STX8: variants seen among roughly 807,000 people sequenced by gnomAD.
STX8 encodes syntaxin 8.
Under a neutral mutation model 37.5 loss-of-function variants are expected in STX8, and 23 were observed. That is an observed-to-expected ratio of 0.61 (90% CI 0.44 to 0.87). The LOEUF is 0.87. Ranked by LOEUF, STX8 falls within the 40% of genes least tolerant of loss-of-function variation. The pLI, the probability that STX8 is intolerant of heterozygous loss-of-function variation, is 0.00. For missense variants in STX8, 313 were observed against 284.7 expected, an observed-to-expected ratio of 1.10 and a Z score of -0.71; for synonymous variants, 115 against 99.1, an observed-to-expected ratio of 1.16 and a Z score of -0.95.
chr17:9,411,323 C>T (rs987431771), intron 6 of STX8, among the ~76,000 whole-genome samples: 9 of 152,182 alleles, frequency 5.9e-5, no homozygotes, highest in African/African-American at 9.7e-5. Context: ...AAGGCTTCCC[C>T]ACTTGGGAGC....
intron 3 of STX8, among the ~76,000 whole-genome samples, chr17:9,546,385 G>C (rs1414078083): frequency 3.4e-5 from 3 of 89,498 alleles, no homozygotes; most frequent in Non-Finnish European, 7.3e-5. Flanking sequence ...ATAAGTGATG[G>C]TTAAAAAAAA....
At chr17:9,335,752 C>T (rs1178313376) in intron 7 of STX8, among the ~76,000 whole-genome samples, 1 of 151,296 alleles carries the variant, frequency 6.6e-6, no homozygotes, top group African/African-American at 2.4e-5. Flanking sequence ...TCAAGAATTT[C>T]GAAAAATAAA....
chr17:9,288,248 TGAAA>T (rs1368692254), intron 7 of STX8, among the ~76,000 whole-genome samples: 1 of 137,466 alleles, frequency 7.3e-6, no homozygotes, highest in Non-Finnish European at 1.6e-5. Context: ...GAAGAAAATG[TGAAA>T]GAAACAATAA....
chr17:9,517,352 A>AT (rs1332386641), intron 4 of STX8, among the ~76,000 whole-genome samples: 1 of 152,160 alleles, frequency 6.6e-6, no homozygotes, highest in East Asian at 1.9e-4. Context: ...GGAATTAATT[A>AT]TTTTTTCAGC....
chr17:9,255,068 G>C (rs1906737686), intron 7 of STX8, among the ~76,000 whole-genome samples: 1 of 152,188 alleles, frequency 6.6e-6, no homozygotes, highest in Non-Finnish European at 1.5e-5. Flanking sequence ...CCACAGAAGA[G>C]CTGCAGAGAC....
At chr17:9,319,753 C>T (rs1909511398) in intron 7 of STX8, among the ~76,000 whole-genome samples, 1 of 151,720 alleles carries the variant, frequency 6.6e-6, no homozygotes, top group East Asian at 2.0e-4. Flanking sequence ...GAGTTCAAGA[C>T]CAGCCTGACC....
intron 6 of STX8, among the ~76,000 whole-genome samples, chr17:9,490,716 C>A (rs182879107): frequency 8.5e-5 from 13 of 152,284 alleles, no homozygotes; most frequent in Non-Finnish European, 1.6e-4. Flanking sequence ...AAGCTGAAAC[C>A]TTAGATAGAA....
intron 6 of STX8, among the ~76,000 whole-genome samples, chr17:9,425,547 C>A (rs566960371): frequency 5.9e-5 from 9 of 152,104 alleles, no homozygotes; most frequent in African/African-American, 1.9e-4. Context: ...CTACTGAGCA[C>A]GACACGGACT....
chr17:9,466,234 G>A (rs2142429441), intron 6 of STX8, among the ~76,000 whole-genome samples: 1 of 152,308 alleles, frequency 6.6e-6, no homozygotes, highest in South Asian at 2.1e-4. Context: ...GCCTCCCAAA[G>A]TGCTGGGATT....
At chr17:9,403,456 G>A (rs532492636) in intron 6 of STX8, among the ~76,000 whole-genome samples, 1 of 152,022 alleles carries the variant, frequency 6.6e-6, no homozygotes, top group African/African-American at 2.4e-5. Context: ...AGTAGGAAAT[G>A]TGTGTGTGTG....
intron 5 of STX8, among the ~76,000 whole-genome samples, chr17:9,501,670 A>C (rs1368614429): frequency 8.2e-5 from 12 of 145,918 alleles, no homozygotes; most frequent in Admixed American, 8.2e-4. Context: ...CAGCCTGGGC[A>C]ACAGTCTCAA....
At chr17:9,288,527 T>TGG (rs1908180316) in intron 7 of STX8, among the ~76,000 whole-genome samples, 1 of 151,964 alleles carries the variant, frequency 6.6e-6, no homozygotes, top group Non-Finnish European at 1.5e-5. Context: ...CCGGGCGTGG[T>TGG]GGCAGGCGCC....
intron 4 of STX8, among the ~76,000 whole-genome samples, chr17:9,518,987 G>A (rs528517730): frequency 2.6e-5 from 4 of 152,220 alleles, no homozygotes; most frequent in African/African-American, 9.6e-5. Flanking sequence ...CTGAACTAGG[G>A]GTGGGGAGGG....
intron 7 of STX8, among the ~76,000 whole-genome samples, chr17:9,348,910 C>T (rs1346193811): frequency 2.6e-5 from 4 of 152,174 alleles, no homozygotes; most frequent in Non-Finnish European, 4.4e-5. Context: ...GGACGCGTTC[C>T]AAGACCCCCA....
At chr17:9,514,937 G>A (rs183484691) in intron 4 of STX8, among the ~76,000 whole-genome samples, 1 of 152,176 alleles carries the variant, frequency 6.6e-6, no homozygotes, top group Non-Finnish European at 1.5e-5. Context: ...ATCACCTACT[G>A]GCAACATATG....
At chr17:9,435,513 T>C (rs1904401522) in intron 6 of STX8, among the ~76,000 whole-genome samples, 1 of 152,204 alleles carries the variant, frequency 6.6e-6, no homozygotes, top group African/African-American at 2.4e-5. Context: ...ATCTGGATTG[T>C]GAAAACATGC....
intron 7 of STX8, among the ~76,000 whole-genome samples, chr17:9,289,373 A>C (rs1908222342): frequency 6.6e-6 from 1 of 152,174 alleles, no homozygotes; most frequent in Admixed American, 6.5e-5. Flanking sequence ...GAAGATATTA[A>C]GAAGGCCTAG....
rs997704071 is a variant in STX8 at position 9,328,068 on chromosome 17, T to C, written c.643+50484A>G. On this transcript the variant is annotated intron_variant, in intron 7 of 7. Coordinates refer to ENST00000306357, the MANE Select transcript of STX8 (RefSeq NM_004853.3). ...CCTCTCCCCCCACCCCCTCTCTCTTTCTTTCTTTTCTTTTCTTTCTTTCTT... is the reference window on the plus strand; with the variant it reads ...CCTCTCCCCCCACCCCCTCTCTCTTCCTTTCTTTTCTTTTCTTTCTTTCTT... 4.0e-4 allele frequency among the ~76,000 whole-genome samples: 60 copies of C among 149,516 alleles called. 1 individual carries two copies.
At chr17:9,364,095 G>A (rs148789826) in intron 7 of STX8, among the ~76,000 whole-genome samples, 95 of 152,168 alleles carry the variant, frequency 6.2e-4, no homozygotes, top group African/African-American at 2.1e-3. Flanking sequence ...ACATATAAAC[G>A]ATATTCTGAC....
Sources: allele counts gnomAD v4.1 joint callset (sites outside exome capture counted in the v4.1 genomes callset), GRCh38; gene constraint gnomAD v4.1.1; transcripts MANE v1.5; gene names NCBI Gene and HGNC (gene_info 2026-07-23, HGNC 2026-07-21).